Variants in MSRB3 observed in about 807,000 individuals in gnomAD.
The protein encoded by MSRB3 is methionine-R-sulfoxide reductase B3.
In MSRB3, 13 loss-of-function variants were observed where a neutral mutation model predicts 21.0. The ratio of observed to expected loss-of-function variants is 0.62; its 90% confidence interval spans 0.40 to 0.98. MSRB3 has a LOEUF of 0.98. Among genes scored for constraint, MSRB3 ranks in the 50% least tolerant of loss-of-function variants. The pLI, the probability that MSRB3 is intolerant of heterozygous loss-of-function variation, is 0.00. For missense variants in MSRB3, 199 were observed against 230.3 expected, an observed-to-expected ratio of 0.86 and a Z score of 0.88; for synonymous variants, 87 against 88.6, an observed-to-expected ratio of 0.98 and a Z score of 0.10.
chr12:65,442,070 A>T (rs1389802), intron 5 of MSRB3, among the ~76,000 whole-genome samples: 1 of 152,090 alleles, frequency 6.6e-6, no homozygotes, highest in African/African-American at 2.4e-5. Context: ...AAGTTTTGAC[A>T]TATCATAAAA....
intron 2 of MSRB3, among the ~76,000 whole-genome samples, chr12:65,320,785 A>C (rs919453931): frequency 1.3e-5 from 2 of 152,222 alleles, no homozygotes; most frequent in Admixed American, 1.3e-4. Context: ...CTGTATTAAG[A>C]TACGTAGTTG....
At chr12:65,437,965 GA>G (rs1235617048) in intron 5 of MSRB3, among the ~76,000 whole-genome samples, 1 of 151,908 alleles carries the variant, frequency 6.6e-6, no homozygotes, top group Non-Finnish European at 1.5e-5. Flanking sequence ...CCATGAGGGG[GA>G]TATCACTGAC....
intron 4 of MSRB3, among the ~76,000 whole-genome samples, chr12:65,334,408 T>G (rs187528468): frequency 6.6e-6 from 1 of 152,258 alleles, no homozygotes; most frequent in East Asian, 1.9e-4. Flanking sequence ...ATAGTAGCAC[T>G]CAAACATTTA....
At chr12:65,395,305 A>G (rs931369939) in intron 5 of MSRB3, among the ~76,000 whole-genome samples, 5 of 152,120 alleles carry the variant, frequency 3.3e-5, no homozygotes, top group African/African-American at 1.2e-4. Context: ...TGTCACTACT[A>G]AAAATACAAA....
At chr12:65,411,636 C>CA (rs1565879769) in intron 5 of MSRB3, among the ~76,000 whole-genome samples, 1 of 151,090 alleles carries the variant, frequency 6.6e-6, no homozygotes, top group East Asian at 1.9e-4. Context: ...TTATGGAAGG[C>CA]AAAAAAACAT....
At chr12:65,454,063 C>A in intron 6 of MSRB3, 1 of 635,442 alleles carries the variant, frequency 1.6e-6, no homozygotes, top group South Asian at 1.8e-5. Context: ...TGGGGAGGAT[C>A]ACTTGAGGCC....
chr12:65,343,429 C>G (rs1371206935), intron 4 of MSRB3, among the ~76,000 whole-genome samples: 2 of 152,060 alleles, frequency 1.3e-5, no homozygotes, highest in African/African-American at 2.4e-5. Context: ...CTTACACTGT[C>G]CTATTCCCAG....
At chr12:65,402,240 G>C (rs755429800) in intron 5 of MSRB3, among the ~76,000 whole-genome samples, 4 of 152,020 alleles carry the variant, frequency 2.6e-5, no homozygotes, top group Non-Finnish European at 5.9e-5. Context: ...CATCACTTTC[G>C]GGTACACCAG....
chr12:65,372,423 C>T (rs927692072), intron 5 of MSRB3, among the ~76,000 whole-genome samples: 1 of 152,106 alleles, frequency 6.6e-6, no homozygotes, highest in African/African-American at 2.4e-5. Context: ...AACTCAATCA[C>T]CTAAAGTTTT....
intron 2 of MSRB3, among the ~76,000 whole-genome samples, chr12:65,315,746 C>G (rs572438296): frequency 1.3e-5 from 2 of 148,874 alleles, no homozygotes; most frequent in Non-Finnish European, 3.0e-5. Flanking sequence ...AAGAGATATA[C>G]TTTTATAGAG....
chr12:65,409,795 G>T (rs1304668889), intron 5 of MSRB3, among the ~76,000 whole-genome samples: 2 of 152,034 alleles, frequency 1.3e-5, no homozygotes, highest in African/African-American at 4.8e-5. Flanking sequence ...TATCATAGCT[G>T]TTCCTTAGTA....
At chr12:65,298,624 TTTTC>T (rs1873127485) in intron 1 of MSRB3, among the ~76,000 whole-genome samples, 1 of 152,084 alleles carries the variant, frequency 6.6e-6, no homozygotes, top group East Asian at 1.9e-4. Context: ...AAGGAGTCCA[TTTTC>T]ATAAAACTTC....
rs1220202914 is a variant in MSRB3, at chr12:65,351,966, G to A, written c.264-17032G>A. 2.0e-5 allele frequency among the ~76,000 whole-genome samples: 3 copies of A among 152,058 alleles called. No homozygotes were observed. In the East Asian group the frequency reaches 5.8e-4, roughly 29 times the overall value. ...GAATCGTCCCTAACTCATTTTATGA[G>A]GCCAGCATCATTCTGATACCAAAGC... On this transcript the variant is annotated intron_variant, in intron 4 of 6. Transcript: ENST00000308259.
chr12:65,349,895 C>A (rs1876817996), intron 4 of MSRB3, among the ~76,000 whole-genome samples: 2 of 151,976 alleles, frequency 1.3e-5, no homozygotes, highest in South Asian at 4.1e-4. Context: ...TTTTGCTGTG[C>A]AGAAGCTCTT....
intron 5 of MSRB3, among the ~76,000 whole-genome samples, chr12:65,425,047 A>ATATATTTAGGTCTTCTGGTTTTGGTT (rs1881514334): frequency 2.3e-4 from 2 of 8,810 alleles, no homozygotes; most frequent in Non-Finnish European, 6.4e-4. Context: ...TTATATGTAT[A>ATATATTTAGGTCTTCTGGTTTTGGTT]TTATATATAT....
At chr12:65,290,400 T>C (rs1243730682) in intron 1 of MSRB3, among the ~76,000 whole-genome samples, 1 of 152,230 alleles carries the variant, frequency 6.6e-6, no homozygotes. Flanking sequence ...CTTTTAATTA[T>C]GCCTTTTCCC....
chr12:65,346,037 G>C (rs541055053), intron 4 of MSRB3, among the ~76,000 whole-genome samples: 2 of 151,926 alleles, frequency 1.3e-5, no homozygotes, highest in African/African-American at 4.8e-5. Flanking sequence ...TAGTGCCACA[G>C]TAAACATATG....
intron 1 of MSRB3, chr12:65,284,351 T>C (rs1021343681): frequency 6.6e-6 from 1 of 152,256 alleles, no homozygotes; most frequent in South Asian, 2.1e-4. Context: ...CTAACGAGAA[T>C]AGCGGCACCG....
chr12:65,323,493 CACTT>C (rs1393281915), intron 2 of MSRB3, among the ~76,000 whole-genome samples: 3 of 152,192 alleles, frequency 2.0e-5, no homozygotes, highest in African/African-American at 7.2e-5. Flanking sequence ...CACACACACT[CACTT>C]GTGCCTTCAA....
Sources: allele counts gnomAD v4.1 joint callset (sites outside exome capture counted in the v4.1 genomes callset), GRCh38; gene constraint gnomAD v4.1.1; transcripts MANE v1.5; gene names NCBI Gene and HGNC (gene_info 2026-07-23, HGNC 2026-07-21).